ZBTB44: variants seen among roughly 807,000 people sequenced by gnomAD.
ZBTB44 encodes zinc finger and BTB domain containing 44, also known as zinc finger and BTB domain-containing protein 44.
Under a neutral mutation model 54.0 loss-of-function variants are expected in ZBTB44, and 15 were observed. That is an observed-to-expected ratio of 0.28 (90% CI 0.19 to 0.43). ZBTB44 has a LOEUF of 0.43. Among genes scored for constraint, ZBTB44 ranks in the 20% least tolerant of loss-of-function variants. The pLI, the probability that ZBTB44 is intolerant of heterozygous loss-of-function variation, is 1.00. For synonymous variants in ZBTB44, 230 were observed against 250.1 expected, an observed-to-expected ratio of 0.92 and a Z score of 0.76; for missense variants, 487 against 707.1, an observed-to-expected ratio of 0.69 and a Z score of 3.53.
chr11:130,237,232 T>A, intron 4 of ZBTB44, 139 bp from the exon 5 acceptor site: 1 of 891,214 alleles, frequency 1.1e-6, no homozygotes, highest in Non-Finnish European at 1.5e-6. Context: ...ATATTCTAAT[T>A]GAGTATCTCA....
chr11:130,305,234 T>A (rs1942202790), intron 1 of ZBTB44, among the ~76,000 whole-genome samples: 1 of 152,152 alleles, frequency 6.6e-6, no homozygotes, highest in Admixed American at 6.5e-5. Context: ...CCATCATCAT[T>A]CTATAGAACT....
At chr11:130,278,914 C>T (rs1341515463) in intron 1 of ZBTB44, among the ~76,000 whole-genome samples, 2 of 152,182 alleles carry the variant, frequency 1.3e-5, no homozygotes, top group Non-Finnish European at 2.9e-5. Context: ...TTAAATCTGA[C>T]ATGTGGTCTC....
chr11:130,260,978 ACCT>A lies in ZBTB44; in HGVS notation c.893_895del (p.Glu298del). 1 of 1,613,848 alleles carries A rather than the reference ACCT, an allele frequency of 6.2e-7. No individual in the cohort carries two copies. On this transcript the variant is annotated inframe_deletion, in exon 2 of 8. Transcript: ENST00000357899. ...GACAGGCTGGGACACTTCCTCATGG[ACCT>A]CCTCATCACTTAATCTTTCTACTTT...
At chr11:130,297,545 G>A (rs930289360) in intron 1 of ZBTB44, among the ~76,000 whole-genome samples, 1 of 152,180 alleles carries the variant, frequency 6.6e-6, no homozygotes, top group Non-Finnish European at 1.5e-5. Flanking sequence ...ATTTGGAAAT[G>A]GAGTCTTTAT....
chr11:130,289,417 G>A (rs1192856191), intron 1 of ZBTB44, among the ~76,000 whole-genome samples: 1 of 151,300 alleles, frequency 6.6e-6, no homozygotes, highest in East Asian at 1.9e-4. Flanking sequence ...CGGAGGTGGA[G>A]GTTGCAGTGA....
intron 1 of ZBTB44, chr11:130,296,819 C>T (rs1941682411): frequency 1.3e-6 from 1 of 748,266 alleles, no homozygotes; most frequent in Non-Finnish European, 2.5e-6. Flanking sequence ...GTTATGATTC[C>T]CATTCTCTGA....
chr11:130,302,936 T>C (rs1049713630), intron 1 of ZBTB44, among the ~76,000 whole-genome samples: 4 of 152,058 alleles, frequency 2.6e-5, no homozygotes, highest in East Asian at 1.9e-4. Context: ...GATCACACCA[T>C]TGCGCTCCAG....
chr11:130,312,508 G>C lies in ZBTB44; in HGVS notation c.-57+1867C>G, dbSNP rs555517784. On this transcript the variant is annotated intron_variant, in intron 1 of 7. Transcript: ENST00000357899. ...CTTTACACCTAACTTCCAGTTAATA[G>C]GAAATTCAGGGAGAAAGAGGAATAA... Among the ~76,000 whole-genome samples, 13 of 152,258 alleles carry C rather than the reference G, an allele frequency of 8.5e-5. No individual in the cohort carries two copies. In the South Asian group the frequency reaches 2.3e-3, roughly 27 times the overall value.
chr11:130,293,755 C>T (rs1941456568), intron 1 of ZBTB44, among the ~76,000 whole-genome samples: 1 of 151,884 alleles, frequency 6.6e-6, no homozygotes, highest in African/African-American at 2.4e-5. Flanking sequence ...AAGACTGCAC[C>T]ATTGCACTCC....
chr11:130,276,338 T>C (rs1214523076), intron 1 of ZBTB44, among the ~76,000 whole-genome samples: 1 of 151,848 alleles, frequency 6.6e-6, no homozygotes. Flanking sequence ...TATACTCTAT[T>C]GTTGCTGGGT....
At chr11:130,265,407 TAG>T (rs1287078549) in intron 1 of ZBTB44, among the ~76,000 whole-genome samples, 2 of 152,130 alleles carry the variant, frequency 1.3e-5, no homozygotes, top group Non-Finnish European at 1.5e-5. Flanking sequence ...GTATTTTTAG[TAG>T]AGAGGGGGTT....
intron 1 of ZBTB44, among the ~76,000 whole-genome samples, chr11:130,307,228 T>C (rs529039046): frequency 6.6e-6 from 1 of 151,996 alleles, no homozygotes; most frequent in East Asian, 1.9e-4. Flanking sequence ...ACCAAGACCA[T>C]CCTGGCTAAC....
chr11:130,289,568 T>C (rs1020964762), intron 1 of ZBTB44, among the ~76,000 whole-genome samples: 1 of 150,626 alleles, frequency 6.6e-6, no homozygotes, highest in African/African-American at 2.4e-5. Flanking sequence ...AATGGGTAGC[T>C]TCAGAAGTTA....
intron 1 of ZBTB44, among the ~76,000 whole-genome samples, chr11:130,283,041 T>A (rs1402009236): frequency 7.5e-6 from 1 of 132,538 alleles, no homozygotes; most frequent in Admixed American, 7.3e-5. Context: ...TAACCTTTTT[T>A]TTTTTTTTTT....
At position 130,238,560 on chromosome 11, in the gene ZBTB44, G is replaced by A; in HGVS notation, c.1151C>T (p.Thr384Ile). 2.5e-6 allele frequency: 4 copies of A among 1,613,076 alleles called. No individual in the cohort carries two copies. Among genetic ancestry groups the A allele is most frequent in the Non-Finnish European group, 3.4e-6 (4 of 1,179,596 alleles). ...YPYQLYIAPS[T>I]SSTERPSPNG... ...TGGACTTGGTCGCTCTGTACTGCTG[G>A]TGGAAGGAGCAATGTAGAGTTGGTA... The change falls in exon 4 of 8, where the codon ACC (threonine) becomes ATC (isoleucine). Residue 384 changes from threonine (T) to isoleucine (I), a missense_variant. Around this residue, in one of 3 missense-constraint regions of ZBTB44, gnomAD observed 277 missense variants for 306.5 expected, o/e 0.90. Coordinates refer to ENST00000357899, the MANE Select transcript of ZBTB44 (RefSeq NM_001301098.2).
At position 130,229,776 on chromosome 11, in the gene ZBTB44, A is replaced by G. The variant is rs1298063609; in HGVS notation, c.*1988T>C. The G allele has an allele frequency of 6.6e-6, 1 of 152,162 alleles. No homozygotes were observed. Among genetic ancestry groups the G allele is most frequent in the African/African-American group, 2.4e-5 (1 of 41,436 alleles). The allele number at this position is 152,162 out of a possible 1,614,324, so 9.4% of individuals were successfully genotyped here. A position where few individuals can be genotyped will look rare whatever the true frequency, so the allele number is the denominator to read the frequency against. ...TCAAAATCTAAATATATTACAAATA[A>G]AGCATCTTACGTCAATAACTTACTT... On this transcript the variant is annotated 3_prime_UTR_variant, in exon 8 of 8. Transcript: ENST00000357899.
intron 2 of ZBTB44, among the ~76,000 whole-genome samples, chr11:130,242,092 T>G (rs77529768): frequency 9.8e-5 from 15 of 152,356 alleles, no homozygotes; most frequent in African/African-American, 3.6e-4. Flanking sequence ...TCTGCATTCC[T>G]GTATACATTT....
chr11:130,283,123 C>A (rs552175727), intron 1 of ZBTB44, among the ~76,000 whole-genome samples: 2 of 146,328 alleles, frequency 1.4e-5, no homozygotes, highest in African/African-American at 5.1e-5. Context: ...TGGCTCACTG[C>A]AACCTCCATC....
intron 1 of ZBTB44, among the ~76,000 whole-genome samples, chr11:130,284,426 T>A (rs184952254): frequency 2.9e-3 from 439 of 152,334 alleles, no homozygotes; most frequent in African/African-American, 1.0e-2. Flanking sequence ...ACTGGTGGCA[T>A]ATACTTGTGC....
Sources: allele counts gnomAD v4.1 joint callset (sites outside exome capture counted in the v4.1 genomes callset), GRCh38; gene constraint gnomAD v4.1.1; regional missense constraint gnomAD v4.1.1; transcripts MANE v1.5; gene names NCBI Gene and HGNC (gene_info 2026-07-23, HGNC 2026-07-21).